Variants in LRP5 observed in about 807,000 individuals in gnomAD.
LRP5 encodes low-density lipoprotein receptor-related protein 5.
LRP5 carries 62 observed loss-of-function variants against 154.1 expected under a neutral mutation model. That is an observed-to-expected ratio of 0.40 (90% confidence interval 0.33 to 0.50). LRP5 has a LOEUF of 0.50. LRP5 is among the 20% of genes least tolerant of loss of function. The probability of loss-of-function intolerance (pLI) is 0.55; values close to 1 mark genes in which losing one functional copy is unlikely to be tolerated. For missense variants in LRP5, 1,915 were observed against 2,336.7 expected, an observed-to-expected ratio of 0.82 and a Z score of 3.72; for synonymous variants, 966 against 1,011.5, an observed-to-expected ratio of 0.96 and a Z score of 0.85.
At chr11:68,325,378 C>T (rs1051773963) in intron 1 of LRP5, among the ~76,000 whole-genome samples, 2 of 152,094 alleles carry the variant, frequency 1.3e-5, no homozygotes, top group East Asian at 1.9e-4. Context: ...TCGAAGTGCC[C>T]GCCTCTTGCT....
At chr11:68,425,364 A>G in intron 15 of LRP5, 72 bp downstream of exon 15, 1 of 1,469,760 alleles carries the variant, frequency 6.8e-7, no homozygotes, top group Non-Finnish European at 9.2e-7. Flanking sequence ...CAGCTGCCAC[A>G]TTGTCCGAGA....
At chr11:68,440,968 A>C (rs761571467) in intron 21 of LRP5, among the ~76,000 whole-genome samples, 1 of 152,030 alleles carries the variant, frequency 6.6e-6, no homozygotes, top group Non-Finnish European at 1.5e-5. Flanking sequence ...GGGTTTCTCC[A>C]TGTTGGTCAG....
chr11:68,417,350 T>C (rs1441869214), intron 13 of LRP5, among the ~76,000 whole-genome samples: 1 of 151,612 alleles, frequency 6.6e-6, no homozygotes, highest in Non-Finnish European at 1.5e-5. Context: ...TTTTTTGCAT[T>C]CACTTAATGT....
chr11:68,302,558 C>G, the LRP5 span, among the ~76,000 whole-genome samples: 4 of 152,128 alleles, frequency 2.6e-5, no homozygotes, highest in Non-Finnish European at 5.9e-5. Flanking sequence ...TCTAGGTAAA[C>G]CAGGATGGTC....
chr11:68,415,883 G>A lies in LRP5; in HGVS notation c.2828-445G>A, dbSNP rs190779762. Among the ~76,000 whole-genome samples the A allele has an allele frequency of 6.2e-5, 3 of 48,462 alleles. 1 individual carries two copies. Among genetic ancestry groups the A allele is most frequent in the Non-Finnish European group, 1.7e-4 (3 of 18,050 alleles). 31.8% of individuals were successfully genotyped at this position (48,462 alleles called of 152,430 possible). A position where few individuals can be genotyped will look rare whatever the true frequency, so the allele number is the denominator to read the frequency against. On this transcript the variant is annotated intron_variant, in intron 12 of 22. Transcript: ENST00000294304. Reference sequence around the variant, plus strand: ...CATCCTGGCTAACACGGTGAAACCCGTCTCTACTAAAAATACAAAAAATGA... The same window carrying A: ...CATCCTGGCTAACACGGTGAAACCCATCTCTACTAAAAATACAAAAAATGA...
intron 5 of LRP5, among the ~76,000 whole-genome samples, chr11:68,370,279 A>C (rs1308178093): frequency 6.6e-6 from 1 of 152,052 alleles, no homozygotes; most frequent in Admixed American, 6.5e-5. Context: ...TCCTTCTGCA[A>C]ATGTAATTCC....
intron 17 of LRP5, 81 bp from the exon 18 acceptor site, chr11:68,433,521 T>G (rs1472897267): frequency 7.9e-7 from 1 of 1,258,464 alleles, no homozygotes; most frequent in East Asian, 2.3e-5. Flanking sequence ...TCTCAACTTC[T>G]GCTTTGAAGC....
chr11:68,402,547 G>T (rs2098653193), intron 7 of LRP5, among the ~76,000 whole-genome samples: 1 of 152,076 alleles, frequency 6.6e-6, no homozygotes, highest in Non-Finnish European at 1.5e-5. Flanking sequence ...CTTTGCCCCA[G>T]GCCCTGCCGT....
At chr11:68,311,820 C>G (rs2098588071), upstream of LRP5, among the ~76,000 whole-genome samples, 1 of 152,274 alleles carries the variant, frequency 6.6e-6, no homozygotes, top group Non-Finnish European at 1.5e-5. Context: ...AAGTAGCAGA[C>G]TGGGAGTTCC....
chr11:68,416,478 G>A lies in LRP5; in HGVS notation c.2978G>A (p.Trp993Ter). 6.2e-7 allele frequency: 1 copy of A among 1,614,046 alleles called. No homozygotes were observed. The highest frequency in any genetic ancestry group is 8.5e-7 in the Non-Finnish European group (1 of 1,180,036). ...GACCCACTGGACAAGTTCATCTACT[G>A]GGTGGATGGGCGCCAGAACATCAAG... ...DYDPLDKFIY[W>*]VDGRQNIKRA... Residue 993 changes from tryptophan (W) to a stop codon, truncating the protein, a stop_gained, in exon 13 of 23, where the codon TGG becomes TAG. Coordinates refer to ENST00000294304, the MANE Select transcript of LRP5 (RefSeq NM_002335.4). LOFTEE classifies it high-confidence loss of function.
At chr11:68,399,202 T>C (rs1024795574) in intron 7 of LRP5, among the ~76,000 whole-genome samples, 2 of 151,930 alleles carry the variant, frequency 1.3e-5, no homozygotes, top group African/African-American at 4.8e-5. Flanking sequence ...AACCTATCTC[T>C]TAAAAATATA....
intron 5 of LRP5, among the ~76,000 whole-genome samples, chr11:68,369,467 G>T (rs942032914): frequency 1.3e-5 from 2 of 152,046 alleles, no homozygotes; most frequent in African/African-American, 2.4e-5. Flanking sequence ...GACATTTGTC[G>T]AAGGAGTGGG....
At chr11:68,302,314 C>T in the LRP5 span, among the ~76,000 whole-genome samples, 311 of 147,618 alleles carry the variant, frequency 2.1e-3, 11 homozygotes, top group East Asian at 0.052. Flanking sequence ...CCACTGTACT[C>T]CAGCCCTGAT....
the LRP5 span, among the ~76,000 whole-genome samples, chr11:68,305,446 T>G: frequency 6.6e-6 from 1 of 152,038 alleles, no homozygotes; most frequent in African/African-American, 2.4e-5. Context: ...GTTTATTTGT[T>G]TTTTATTTAT....
At chr11:68,303,744 A>C in the LRP5 span, among the ~76,000 whole-genome samples, 5 of 152,106 alleles carry the variant, frequency 3.3e-5, no homozygotes, top group African/African-American at 9.7e-5. Context: ...CTGCCCACCT[A>C]GGCCTCCCAA....
At chr11:68,313,875 G>C (rs1415511874) in intron 1 of LRP5, among the ~76,000 whole-genome samples, 1 of 152,208 alleles carries the variant, frequency 6.6e-6, no homozygotes, top group East Asian at 1.9e-4. Context: ...TGGTGCAGCG[G>C]GGTGGCCCTG....
At chr11:68,409,789 G>A (rs2098658368) in intron 9 of LRP5, 125 bp from the exon 10 acceptor site, 1 of 764,146 alleles carries the variant, frequency 1.3e-6, no homozygotes, top group Non-Finnish European at 2.3e-6. Flanking sequence ...GGCAGAGGTT[G>A]CAGTGAGCCG....
At chr11:68,303,505 T>A in the LRP5 span, among the ~76,000 whole-genome samples, 1 of 152,170 alleles carries the variant, frequency 6.6e-6, no homozygotes, top group African/African-American at 2.4e-5. Flanking sequence ...CCTTCCTTCC[T>A]TCCTTTCGAG....
chr11:68,327,491 C>T (rs1440612706), intron 1 of LRP5, among the ~76,000 whole-genome samples: 1 of 152,080 alleles, frequency 6.6e-6, no homozygotes, highest in Non-Finnish European at 1.5e-5. Flanking sequence ...CAGTTGCCCC[C>T]CCTTAGGCAG....
Sources: gnomAD v4.1 joint callset for allele counts (sites outside exome capture counted in the v4.1 genomes callset) on GRCh38, gnomAD v4.1.1 for gene constraint, MANE v1.5 for transcripts, NCBI Gene and HGNC (gene_info 2026-07-23, HGNC 2026-07-21) for gene names.